The following ETNK1 variants were observed in gnomAD, a reference collection of about 807,000 sequenced individuals.
The protein encoded by ETNK1 is ethanolamine kinase 1.
In ETNK1, 8 loss-of-function variants were observed where a neutral mutation model predicts 45.1. That is an observed-to-expected ratio of 0.18 (90% CI 0.10 to 0.32). ETNK1 has a LOEUF of 0.32. Ranked by LOEUF, ETNK1 falls within the 10% of genes least tolerant of loss-of-function variation. The pLI, the probability that ETNK1 is intolerant of heterozygous loss-of-function variation, is 1.00. For missense variants in ETNK1, 302 were observed against 430.6 expected (o/e 0.70, Z 2.64); for synonymous variants, 152 against 151.9 (o/e 1.00, Z -0.01).
At chr12:22,628,787 A>G (rs1953537062) in intron 1 of ETNK1, among the ~76,000 whole-genome samples, 1 of 152,108 alleles carries the variant, frequency 6.6e-6, no homozygotes, top group Admixed American at 6.5e-5. Context: ...AGATAATGGC[A>G]AAGGCTTCAT....
At chr12:22,651,710 A>T (rs1213255025) in intron 2 of ETNK1, among the ~76,000 whole-genome samples, 1 of 131,500 alleles carries the variant, frequency 7.6e-6, no homozygotes, top group African/African-American at 2.9e-5. Flanking sequence ...TTTGAGACAG[A>T]GTCTCGCCAT....
chr12:22,656,300 A>G (rs1565443287), intron 2 of ETNK1: 1 of 500,930 alleles, frequency 2.0e-6, no homozygotes, highest in Non-Finnish European at 2.6e-6. Context: ...CATGATTCTC[A>G]TGAACTTCAA....
rs765090497 is a variant in ETNK1, at chr12:22,684,543, T to C, written c.1006T>C (p.Phe336Leu). ...LIQAKYSTIEFDFLGYAIVRF... is the reference protein window; with the variant it reads ...LIQAKYSTIELDFLGYAIVRF... ...TCAAGCCAAATACTCCACTATTGAGTTTGATTTCCTTGGGTAAGTTAAATT... is the reference window on the plus strand; with the variant it reads ...TCAAGCCAAATACTCCACTATTGAGCTTGATTTCCTTGGGTAAGTTAAATT... The change falls in exon 7 of 8, where the codon TTT becomes CTT. Residue 336 changes from phenylalanine (F) to leucine (L), a missense_variant. Phe to Leu is a conservative substitution (Grantham distance 22). Coordinates refer to ENST00000266517, the MANE Select transcript of ETNK1 (RefSeq NM_018638.5). 1 of 1,605,984 alleles carries C rather than the reference T, an allele frequency of 6.2e-7. No homozygotes were observed.
intron 3 of ETNK1, among the ~76,000 whole-genome samples, chr12:22,660,053 AAAC>A (rs1411027153): frequency 1.2e-4 from 18 of 151,826 alleles, no homozygotes; most frequent in East Asian, 1.2e-3. Flanking sequence ...AAAAAAAAAA[AAAC>A]ACCGCAGTTT....
chr12:22,662,052 CCG>C (rs1234508618), intron 4 of ETNK1, among the ~76,000 whole-genome samples: 2 of 48,840 alleles, frequency 4.1e-5, no homozygotes, highest in Non-Finnish European at 4.1e-5. Context: ...AACTAGTTCC[CCG>C]CACCCCCCCC....
chr12:22,636,365 C>G (rs1953655452), intron 1 of ETNK1, among the ~76,000 whole-genome samples: 1 of 152,068 alleles, frequency 6.6e-6, no homozygotes, highest in Middle Eastern at 3.4e-3. Flanking sequence ...ATGGTGTGCT[C>G]AAATTTCCAA....
chr12:22,637,269 T>C (rs1953668679), intron 1 of ETNK1, among the ~76,000 whole-genome samples: 1 of 152,184 alleles, frequency 6.6e-6, no homozygotes, highest in Admixed American at 6.5e-5. Flanking sequence ...CTGTTCTCTC[T>C]AAAGTCCATT....
chr12:22,648,062 AT>A (rs748135158), intron 2 of ETNK1, among the ~76,000 whole-genome samples: 1 of 151,926 alleles, frequency 6.6e-6, no homozygotes, highest in Non-Finnish European at 1.5e-5. Flanking sequence ...CCTTTTAAAG[AT>A]TTTAGTTTTT....
At chr12:22,659,804 C>T (rs1473518169) in intron 3 of ETNK1, among the ~76,000 whole-genome samples, 2 of 151,964 alleles carry the variant, frequency 1.3e-5, no homozygotes, top group Non-Finnish European at 2.9e-5. Context: ...CTAGGCTCTC[C>T]AAGGTATACT....
intron 3 of ETNK1, among the ~76,000 whole-genome samples, chr12:22,660,582 T>A (rs1953989627): frequency 6.6e-6 from 1 of 152,164 alleles, no homozygotes; most frequent in Non-Finnish European, 1.5e-5. Context: ...GACAGTAATC[T>A]TTTGACTTTT....
chr12:22,631,467 G>A (rs1232609238), intron 1 of ETNK1, among the ~76,000 whole-genome samples: 7 of 152,132 alleles, frequency 4.6e-5, no homozygotes, highest in African/African-American at 1.7e-4. Flanking sequence ...GAGCCACTGC[G>A]CCCGGTGGTA....
At chr12:22,682,623 G>A (rs1954224163) in intron 6 of ETNK1, among the ~76,000 whole-genome samples, 1 of 152,094 alleles carries the variant, frequency 6.6e-6, no homozygotes, top group African/African-American at 2.4e-5. Flanking sequence ...AAAATTAATA[G>A]TTTTAATGGC....
At chr12:22,635,453 C>G (rs1288847623) in intron 1 of ETNK1, among the ~76,000 whole-genome samples, 1 of 152,220 alleles carries the variant, frequency 6.6e-6, no homozygotes, top group Non-Finnish European at 1.5e-5. Flanking sequence ...AAGCGTTGTT[C>G]CATGCAGTGC....
Position 22,684,512 on chromosome 12 carries a change from T to A in ETNK1, c.975T>A (p.Ala325=). The A allele has an allele frequency of 6.2e-7, 1 of 1,611,142 alleles. No homozygotes were observed. Among genetic ancestry groups the A allele is most frequent in the Non-Finnish European group, 8.5e-7 (1 of 1,178,572 alleles). Residue 325 remains alanine, a synonymous_variant, in exon 7 of 8, where the codon GCT becomes GCA. Coordinates refer to ENST00000266517, the MANE Select transcript of ETNK1 (RefSeq NM_018638.5). ...CTCATTTCTTTTGGGGATTGTGGGC[T>A]TTGATTCAAGCCAAATACTCCACTA... ...LASHFFWGLW[A]LIQAKYSTIE...
Position 22,685,442 on chromosome 12 carries a change from C to T in ETNK1, c.*488C>T, listed in dbSNP as rs1405200764. ...AAATGAATCATTTACTCTTGAAATG[C>T]CAGTCATTGACTGATGTAGATAATT... On this transcript the variant is annotated 3_prime_UTR_variant, in exon 8 of 8. Coordinates refer to ENST00000266517, the MANE Select transcript of ETNK1 (RefSeq NM_018638.5). The T allele has an allele frequency of 6.6e-6, 1 of 151,970 alleles. No homozygotes were observed. Among genetic ancestry groups the T allele is most frequent in the Non-Finnish European group, 1.5e-5 (1 of 67,922 alleles). The allele number at this position is 151,970 out of a possible 1,614,324, so 9.4% of individuals were successfully genotyped here.
intron 6 of ETNK1, among the ~76,000 whole-genome samples, chr12:22,678,551 A>G (rs1027754300): frequency 6.6e-6 from 1 of 152,232 alleles, no homozygotes; most frequent in African/African-American, 2.4e-5. Flanking sequence ...TAGGTTCACA[A>G]TGCTTAAAGA....
In ETNK1 at chr12:22,625,175, C is replaced by G; in HGVS notation, c.-256C>G. ...AGGCCAGCCCCGGCATGCTCTGCGG[C>G]CGCCCGCGGTCCAGCTCCGACAACA... On this transcript the variant is annotated 5_prime_UTR_variant, in exon 1 of 8. Transcript: ENST00000266517. The G allele has an allele frequency of 6.3e-7, 1 of 1,596,666 alleles. No individual in the cohort carries two copies. Among genetic ancestry groups the G allele is most frequent in the Non-Finnish European group, 8.5e-7 (1 of 1,170,566 alleles).
intron 4 of ETNK1, among the ~76,000 whole-genome samples, chr12:22,664,141 C>T (rs1404850877): frequency 6.6e-6 from 1 of 151,580 alleles, no homozygotes; most frequent in East Asian, 1.9e-4. Flanking sequence ...ATGCCTTATA[C>T]TTAAAAAGTA....
chr12:22,644,889 C>T (rs548824964), intron 2 of ETNK1, among the ~76,000 whole-genome samples: 1 of 151,970 alleles, frequency 6.6e-6, no homozygotes, highest in Middle Eastern at 3.4e-3. Flanking sequence ...TTTCGGATGG[C>T]CCGGGGCTCC....
Sources: gnomAD v4.1 joint callset for allele counts (sites outside exome capture counted in the v4.1 genomes callset) on GRCh38, gnomAD v4.1.1 for gene constraint, MANE v1.5 for transcripts, NCBI Gene and HGNC (gene_info 2026-07-23, HGNC 2026-07-21) for gene names.